SH3BGRL2: variants seen among roughly 807,000 people sequenced by gnomAD.
The protein encoded by SH3BGRL2 is SH3 domain-binding glutamic acid-rich-like protein 2.
A neutral mutation model predicts 14.8 loss-of-function variants in SH3BGRL2; 21 were observed. The observed-to-expected ratio is 1.42, with a 90% CI of 1.01 to 2.05. The LOEUF is 2.05. Among genes scored for constraint, SH3BGRL2 ranks in the 30% most tolerant of loss-of-function variants. The pLI, the probability that SH3BGRL2 is intolerant of heterozygous loss-of-function variation, is 0.00. For synonymous variants in SH3BGRL2, 50 were observed against 47.8 expected (o/e 1.05, Z -0.19); for missense variants, 147 against 130.8 (o/e 1.12, Z -0.61).
chr6:79,678,676 T>C (rs1028224989), intron 2 of SH3BGRL2, among the ~76,000 whole-genome samples: 1 of 152,208 alleles, frequency 6.6e-6, no homozygotes, highest in Non-Finnish European at 1.5e-5. Context: ...TTATTTTAGA[T>C]ACAGGGAGTA....
the SH3BGRL2 span, among the ~76,000 whole-genome samples, chr6:79,543,544 A>G: frequency 6.6e-6 from 1 of 152,236 alleles, no homozygotes; most frequent in Non-Finnish European, 1.5e-5. Context: ...AGGATAAGGC[A>G]TTCTTTTTTA....
At chr6:79,569,994 T>C in the SH3BGRL2 span, among the ~76,000 whole-genome samples, 1 of 152,318 alleles carries the variant, frequency 6.6e-6, no homozygotes, top group Middle Eastern at 3.4e-3. Context: ...AATTGAGGGC[T>C]GAGATTACGG....
the SH3BGRL2 span, among the ~76,000 whole-genome samples, chr6:79,578,151 A>C: frequency 6.6e-6 from 1 of 152,266 alleles, no homozygotes; most frequent in Non-Finnish European, 1.5e-5. Flanking sequence ...CCACAGCTCA[A>C]CAAGGCCTGC....
At chr6:79,575,512 A>G in the SH3BGRL2 span, 1 of 152,186 alleles carries the variant, frequency 6.6e-6, no homozygotes, top group Non-Finnish European at 1.5e-5. Context: ...ATTCCCAATA[A>G]TAATTATTTT....
chr6:79,563,097 A>G, the SH3BGRL2 span, among the ~76,000 whole-genome samples: 1 of 151,524 alleles, frequency 6.6e-6, no homozygotes, highest in Non-Finnish European at 1.5e-5. Context: ...CTGGGACTAC[A>G]GGCACCGGCC....
intron 2 of SH3BGRL2, among the ~76,000 whole-genome samples, chr6:79,683,614 A>G (rs1000510082): frequency 6.6e-5 from 10 of 152,042 alleles, no homozygotes; most frequent in African/African-American, 2.4e-4. Context: ...ATGCCTGGCT[A>G]ATTTTTGTAT....
upstream of SH3BGRL2, chr6:79,631,232 G>A (rs1212128620): frequency 7.5e-6 from 3 of 401,360 alleles, no homozygotes; most frequent in East Asian, 3.7e-5. Context: ...ATCCCATCAA[G>A]CCCCGCAGCC....
At chr6:79,610,897 C>G in the SH3BGRL2 span, among the ~76,000 whole-genome samples, 1 of 152,168 alleles carries the variant, frequency 6.6e-6, no homozygotes, top group Admixed American at 6.5e-5. Flanking sequence ...CCATATATGG[C>G]ACATAGTAGG....
At chr6:79,580,676 C>T in the SH3BGRL2 span, among the ~76,000 whole-genome samples, 4 of 152,044 alleles carry the variant, frequency 2.6e-5, no homozygotes, top group Non-Finnish European at 5.9e-5. Flanking sequence ...ACTAAATGCC[C>T]ACAGGAGAAA....
the SH3BGRL2 span, among the ~76,000 whole-genome samples, chr6:79,590,424 G>GAGATAT: frequency 1.2e-3 from 82 of 66,678 alleles, 3 homozygotes; most frequent in African/African-American, 5.2e-3. Context: ...AAGAAAATGT[G>GAGATAT]ATATATATAT....
chr6:79,614,017 G>C, the SH3BGRL2 span, among the ~76,000 whole-genome samples: 1 of 152,102 alleles, frequency 6.6e-6, no homozygotes, highest in Non-Finnish European at 1.5e-5. Flanking sequence ...GCTTTGACCT[G>C]AGTTTCTGGC....
Position 79,673,686 on chromosome 6 carries a change from A to G in SH3BGRL2, c.118A>G (p.Thr40Ala), listed in dbSNP as rs745493739. The G allele has an allele frequency of 3.1e-6, 5 of 1,614,038 alleles. No individual in the cohort carries two copies. In the South Asian group the frequency reaches 3.3e-5, roughly 11 times the overall value. ...GATAGAGTTTGAGGAGGTGGATATCACAATGTCAGAAGAACAGAGGCAATG... is the reference window on the plus strand; with the variant it reads ...GATAGAGTTTGAGGAGGTGGATATCGCAATGTCAGAAGAACAGAGGCAATG... ...NKIEFEEVDI[T>A]MSEEQRQWMY... Residue 40 changes from threonine to alanine, a missense_variant, in exon 2 of 4, where the codon ACA (threonine) becomes GCA (alanine). Transcript: ENST00000369838.
chr6:79,652,683 A>T (rs528363478), intron 1 of SH3BGRL2, among the ~76,000 whole-genome samples: 2 of 152,172 alleles, frequency 1.3e-5, no homozygotes, highest in African/African-American at 2.4e-5. Context: ...TGCAGAGGAG[A>T]ATAGACCTAG....
chr6:79,581,931 G>C, the SH3BGRL2 span, among the ~76,000 whole-genome samples: 1 of 152,138 alleles, frequency 6.6e-6, no homozygotes, highest in Non-Finnish European at 1.5e-5. Context: ...AGCAACTTCA[G>C]CAAAGTCTCA....
the SH3BGRL2 span, among the ~76,000 whole-genome samples, chr6:79,587,322 A>G: frequency 2.6e-5 from 4 of 152,110 alleles, no homozygotes; most frequent in Admixed American, 2.0e-4. Flanking sequence ...ACCACAGAGA[A>G]CCTAAGGATG....
chr6:79,563,361 C>A, the SH3BGRL2 span, among the ~76,000 whole-genome samples: 1 of 152,162 alleles, frequency 6.6e-6, no homozygotes, highest in South Asian at 2.1e-4. Flanking sequence ...ACCCCCCCGC[C>A]TCGGCCTCCT....
intron 1 of SH3BGRL2, among the ~76,000 whole-genome samples, chr6:79,633,607 A>G (rs1300391241): frequency 1.3e-5 from 2 of 152,306 alleles, no homozygotes; most frequent in African/African-American, 2.4e-5. Context: ...CTTACAGACT[A>G]TAAACACTAA....
chr6:79,689,192 T>C (rs1356576205), intron 2 of SH3BGRL2, among the ~76,000 whole-genome samples: 3 of 151,088 alleles, frequency 2.0e-5, no homozygotes, highest in African/African-American at 7.3e-5. Flanking sequence ...ATTACCAAAT[T>C]TTATATTTGT....
chr6:79,632,264 A>C (rs1305756146), intron 1 of SH3BGRL2, among the ~76,000 whole-genome samples: 2 of 152,094 alleles, frequency 1.3e-5, no homozygotes, highest in African/African-American at 4.8e-5. Flanking sequence ...TAGAGAAAAA[A>C]AATTTTTTTA....
Sources: allele counts gnomAD v4.1 joint callset (sites outside exome capture counted in the v4.1 genomes callset), GRCh38; gene constraint gnomAD v4.1.1; transcripts MANE v1.5; gene names NCBI Gene and HGNC (gene_info 2026-07-23, HGNC 2026-07-21).